Variants in SVEP1 observed in about 807,000 individuals in gnomAD.
SVEP1 encodes sushi, von Willebrand factor type A, EGF and pentraxin domain-containing protein 1.
A neutral mutation model predicts 367.3 loss-of-function variants in SVEP1; 164 were observed. The observed-to-expected ratio is 0.45, with a 90% CI of 0.39 to 0.51. SVEP1 has a LOEUF of 0.51. SVEP1 is among the 20% of genes least tolerant of loss of function. SVEP1 has a pLI of 0.00. For missense variants in SVEP1, 4,117 were observed against 4,425.3 expected, an observed-to-expected ratio of 0.93 and a Z score of 1.98; for synonymous variants, 1,666 against 1,611.6, an observed-to-expected ratio of 1.03 and a Z score of -0.81.
chr9:110,518,658 T>C (rs1395469927), intron 3 of SVEP1, among the ~76,000 whole-genome samples: 1 of 152,140 alleles, frequency 6.6e-6, no homozygotes, highest in Non-Finnish European at 1.5e-5. Flanking sequence ...GAGACCACTA[T>C]GATTTCTCAT....
chr9:110,501,117 TATAAA>T (rs1829522614), intron 6 of SVEP1, among the ~76,000 whole-genome samples: 1 of 147,928 alleles, frequency 6.8e-6, no homozygotes, highest in African/African-American at 2.4e-5. Context: ...ATATATAAAT[TATAAA>T]ATAATACATA....
chr9:110,504,391 T>A lies in SVEP1; in HGVS notation c.1304-1174A>T, dbSNP rs1372230413. ...AGCTTTTTAAAGGGGGCTGTCTCAATTGAGAGAGTACTTCTTTCCCTTCCC... is the reference window on the plus strand; with the variant it reads ...AGCTTTTTAAAGGGGGCTGTCTCAAATGAGAGAGTACTTCTTTCCCTTCCC... On this transcript the variant is annotated intron_variant, in intron 5 of 47. Coordinates refer to ENST00000374469, the MANE Select transcript of SVEP1 (RefSeq NM_153366.4). Among the ~76,000 whole-genome samples, 3 of 152,244 alleles carry A rather than the reference T, an allele frequency of 2.0e-5. 1 individual carries two copies. In the South Asian group the frequency reaches 6.2e-4, roughly 32 times the overall value.
At chr9:110,415,154 A>T (rs953375666) in intron 36 of SVEP1, among the ~76,000 whole-genome samples, 3 of 152,118 alleles carry the variant, frequency 2.0e-5, no homozygotes, top group Admixed American at 1.3e-4. Flanking sequence ...AGTTTAGGGT[A>T]GGACACAGAA....
intron 9 of SVEP1, among the ~76,000 whole-genome samples, chr9:110,484,743 GA>G (rs970068931): frequency 2.0e-3 from 289 of 144,442 alleles, no homozygotes; most frequent in African/African-American, 6.5e-3. Flanking sequence ...AGATTTACAA[GA>G]AAAAAAAAAC....
chr9:110,553,800 C>T (rs761674186), intron 1 of SVEP1, among the ~76,000 whole-genome samples: 23 of 152,164 alleles, frequency 1.5e-4, no homozygotes, highest in Non-Finnish European at 1.2e-4. Flanking sequence ...ATATTTGTCA[C>T]TAAGGAGTGG....
At chr9:110,388,449 G>A (rs192817643) in intron 41 of SVEP1, among the ~76,000 whole-genome samples, 2 of 152,138 alleles carry the variant, frequency 1.3e-5, no homozygotes, top group East Asian at 1.9e-4. Flanking sequence ...TAGAGAACCT[G>A]GGAAGCATTT....
chr9:110,381,263 C>G (rs1827431402), intron 43 of SVEP1, among the ~76,000 whole-genome samples: 1 of 152,040 alleles, frequency 6.6e-6, no homozygotes, highest in South Asian at 2.1e-4. Context: ...GGTTTGTTTG[C>G]TCTTGGTTCA....
At chr9:110,501,796 T>C (rs544482806) in intron 6 of SVEP1, among the ~76,000 whole-genome samples, 18 of 152,192 alleles carry the variant, frequency 1.2e-4, no homozygotes, top group Non-Finnish European at 2.5e-4. Flanking sequence ...TAAGCAACCA[T>C]ACAATTTTCT....
At chr9:110,451,449 T>C in intron 22 of SVEP1, 47 bp from the exon 23 acceptor site, 2 of 1,400,072 alleles carry the variant, frequency 1.4e-6, no homozygotes, top group Admixed American at 1.8e-5. Flanking sequence ...TTGACAGAAC[T>C]TTAAGACCAA....
intron 31 of SVEP1, 51 bp downstream of exon 31, chr9:110,432,411 A>G (rs1289069821): frequency 6.5e-7 from 1 of 1,548,844 alleles, no homozygotes; most frequent in African/African-American, 1.4e-5. Context: ...GATGACTGTC[A>G]TCTACAGAGC....
chr9:110,410,775 TG>T (rs1393499654), intron 37 of SVEP1, among the ~76,000 whole-genome samples: 1 of 152,210 alleles, frequency 6.6e-6, no homozygotes, highest in Non-Finnish European at 1.5e-5. Context: ...TTCATCACAG[TG>T]GGCTGGCCCT....
intron 40 of SVEP1, among the ~76,000 whole-genome samples, chr9:110,394,656 A>C (rs536109310): frequency 1.3e-5 from 2 of 152,242 alleles, no homozygotes; most frequent in Non-Finnish European, 2.9e-5. Context: ...GAAGTCCTTA[A>C]AGGACCTGAT....
intron 27 of SVEP1, among the ~76,000 whole-genome samples, chr9:110,438,105 T>C (rs1828457626): frequency 6.6e-6 from 1 of 151,922 alleles, no homozygotes; most frequent in African/African-American, 2.4e-5. Flanking sequence ...TACAGAATGT[T>C]TGAATATTGT....
chr9:110,567,896 C>T (rs111546781), intron 1 of SVEP1, among the ~76,000 whole-genome samples: 2,848 of 152,222 alleles, frequency 0.019, 86 homozygotes, highest in Non-Finnish European at 0.023. Context: ...TTGCAGGGGA[C>T]AGAAAAGTGA....
chr9:110,524,497 G>A (rs895229570), intron 3 of SVEP1, among the ~76,000 whole-genome samples: 2 of 152,068 alleles, frequency 1.3e-5, no homozygotes, highest in African/African-American at 4.8e-5. Flanking sequence ...GGCAAGGCTG[G>A]TTCAATATTT....
At chr9:110,455,830 T>A in intron 21 of SVEP1, 127 bp from the exon 22 acceptor site, 1 of 575,594 alleles carries the variant, frequency 1.7e-6, no homozygotes, top group Non-Finnish European at 2.9e-6. Flanking sequence ...AAGGGTAATA[T>A]TCATTAAGTG....
At position 110,411,056 on chromosome 9, in the gene SVEP1, C is replaced by A; in HGVS notation, c.6648+7G>T. 1.3e-6 allele frequency: 2 copies of A among 1,546,444 alleles called. No homozygotes were observed. The highest frequency in any genetic ancestry group is 1.3e-5 in the South Asian group (1 of 79,962). On this transcript the variant is annotated splice_region_variant and intron_variant, in intron 37 of 47. Transcript: ENST00000374469. ...AGCCACAGACCATTTGCTAATTGGT[C>A]TCTTACCTCCAGAAAGCCATTCTCA...
At chr9:110,374,607 G>A (rs1012933094) in intron 46 of SVEP1, among the ~76,000 whole-genome samples, 51 of 152,246 alleles carry the variant, frequency 3.3e-4, no homozygotes, top group African/African-American at 8.9e-4. Flanking sequence ...TCAAGATTGC[G>A]CCACTGCAGT....
rs1177801009 is a variant in SVEP1 at position 110,503,231 on chromosome 9, A to T, written c.1304-14T>A. 3.1e-6 allele frequency: 5 copies of T among 1,601,290 alleles called. No individual in the cohort carries two copies. The highest frequency in any genetic ancestry group is 4.3e-6 in the Non-Finnish European group (5 of 1,175,250). On this transcript the variant is annotated splice_polypyrimidine_tract_variant and intron_variant, in intron 5 of 47. Coordinates refer to ENST00000374469, the MANE Select transcript of SVEP1 (RefSeq NM_153366.4). ...GACATGTTCTTACTATGTAAAATGA[A>T]AGCAATTAGATCACATTTTGCTAAA... is the stretch of plus-strand genomic sequence containing the variant.
Sources: allele counts gnomAD v4.1 joint callset (sites outside exome capture counted in the v4.1 genomes callset), GRCh38; gene constraint gnomAD v4.1.1; transcripts MANE v1.5; gene names NCBI Gene and HGNC (gene_info 2026-07-23, HGNC 2026-07-21).